The following MTA3 variants were observed in gnomAD, a reference collection of about 807,000 sequenced individuals.
The protein encoded by MTA3 is metastasis-associated protein MTA3.
In MTA3, 34 loss-of-function variants were observed where a neutral mutation model predicts 83.5. The ratio of observed to expected loss-of-function variants is 0.41; its 90% confidence interval spans 0.31 to 0.54. The LOEUF (loss-of-function observed/expected upper bound fraction) is 0.54, where lower values mean the gene tolerates loss of function less well. Among genes scored for constraint, MTA3 ranks in the 20% least tolerant of loss-of-function variants. The probability of loss-of-function intolerance (pLI) is 0.33; values close to 1 mark genes in which losing one functional copy is unlikely to be tolerated. For missense variants in MTA3, 761 were observed against 726.4 expected, an observed-to-expected ratio of 1.05 and a Z score of -0.55; for synonymous variants, 303 against 252.7, an observed-to-expected ratio of 1.20 and a Z score of -1.89.
intron 3 of MTA3, among the ~76,000 whole-genome samples, chr2:42,599,385 G>C (rs1030855220): frequency 1.3e-5 from 2 of 152,040 alleles, no homozygotes; most frequent in Non-Finnish European, 2.9e-5. Flanking sequence ...ACAAGGTCAG[G>C]AGATCGAGAC....
intron 8 of MTA3, among the ~76,000 whole-genome samples, chr2:42,677,868 C>G (rs769967834): frequency 3.7e-4 from 57 of 152,186 alleles, no homozygotes; most frequent in Middle Eastern, 3.2e-3. Context: ...TGCGCTCCCT[C>G]CCTGTCTCTC....
intron 4 of MTA3, among the ~76,000 whole-genome samples, chr2:42,622,964 A>G (rs867686471): frequency 1.3e-5 from 2 of 152,228 alleles, no homozygotes; most frequent in African/African-American, 2.4e-5. Flanking sequence ...AAAATAAACC[A>G]ATGAAACAAT....
intron 4 of MTA3, among the ~76,000 whole-genome samples, chr2:42,636,558 A>G (rs1558528242): frequency 6.6e-6 from 1 of 151,812 alleles, no homozygotes; most frequent in Non-Finnish European, 1.5e-5. Context: ...AAACAAAACA[A>G]AACAAAAGAA....
At chr2:42,537,563 C>G (rs1451822327) in intron 2 of MTA3, among the ~76,000 whole-genome samples, 1 of 149,246 alleles carries the variant, frequency 6.7e-6, no homozygotes, top group African/African-American at 2.5e-5. Context: ...GAAACTCCAT[C>G]TCAAAAAAAT....
At chr2:42,631,947 C>T (rs1686718498) in intron 4 of MTA3, among the ~76,000 whole-genome samples, 1 of 152,158 alleles carries the variant, frequency 6.6e-6, no homozygotes, top group Non-Finnish European at 1.5e-5. Flanking sequence ...ACCTTGGCCT[C>T]CCAAAGTGCT....
At chr2:42,753,315 C>T in intron 16 of MTA3, 59 bp from the exon 17 acceptor site, 2 of 1,549,402 alleles carry the variant, frequency 1.3e-6, no homozygotes, top group Non-Finnish European at 1.7e-6. Flanking sequence ...TCCTCCCTTT[C>T]ATCTTGCCTC....
At chr2:42,545,412 C>T (rs959592588) in intron 2 of MTA3, among the ~76,000 whole-genome samples, 4 of 151,868 alleles carry the variant, frequency 2.6e-5, no homozygotes, top group African/African-American at 9.7e-5. Context: ...AAAAAGGAAC[C>T]TAAGAAAACA....
At chr2:42,607,321 G>A (rs1683598650) in intron 3 of MTA3, among the ~76,000 whole-genome samples, 2 of 152,160 alleles carry the variant, frequency 1.3e-5, no homozygotes, top group African/African-American at 2.4e-5. Flanking sequence ...GGAGTCTCCC[G>A]CTGGAGATTG....
chr2:42,502,703 A>G (rs1674448644), intron 2 of MTA3, among the ~76,000 whole-genome samples: 1 of 151,282 alleles, frequency 6.6e-6, no homozygotes, highest in Non-Finnish European at 1.5e-5. Context: ...AGGCTGAGGC[A>G]GGAGAATCAC....
intron 2 of MTA3, among the ~76,000 whole-genome samples, chr2:42,505,485 A>G (rs1295433646): frequency 1.3e-5 from 2 of 152,120 alleles, no homozygotes; most frequent in Non-Finnish European, 2.9e-5. Flanking sequence ...CCCACAGACT[A>G]TGCAGGCTGT....
In MTA3 at chr2:42,594,728, A is replaced by ATATATATATATATTTTTT; in HGVS notation, c.191-14729_191-14728insATATATATATATTTTTTT. Among the ~76,000 whole-genome samples, 30 of 24,030 alleles carry ATATATATATATATTTTTT rather than the reference A, an allele frequency of 1.2e-3. 1 individual carries two copies. The highest frequency in any genetic ancestry group is 3.8e-3 in the African/African-American group (17 of 4,468). The allele number at this position is 24,030 out of a possible 152,430, so 15.8% of individuals were successfully genotyped here. Reference sequence around the variant, plus strand: ...TACATATATATATATATATATATATATTTTTTTTTTTTTTTTGAGACAGAG... The same window carrying ATATATATATATATTTTTT: ...TACATATATATATATATATATATATATATATATATATATTTTTTTTTTTTTTTTTTTTTTGAGACAGAG... On this transcript the variant is annotated intron_variant, in intron 3 of 16. Transcript: ENST00000405094.
At chr2:42,738,309 G>A (rs1003660006) in intron 16 of MTA3, among the ~76,000 whole-genome samples, 7 of 151,990 alleles carry the variant, frequency 4.6e-5, no homozygotes, top group African/African-American at 1.7e-4. Flanking sequence ...AGAAGAACGT[G>A]GATTGTGAAG....
chr2:42,591,910 A>G lies in MTA3; in HGVS notation c.190+12710A>G, dbSNP rs556819287. Among the ~76,000 whole-genome samples, 56 of 152,178 alleles carry G rather than the reference A, an allele frequency of 3.7e-4. 2 individuals carry two copies. The South Asian group carries it at 7.3e-3, about 20-fold the overall frequency. ...GGGATCTGCCCACCTTGACCTCCCA[A>G]AGTGTTGGGATTACAGGCGTGAGCC... On this transcript the variant is annotated intron_variant, in intron 3 of 16. Coordinates refer to ENST00000405094, the MANE Select transcript of MTA3 (RefSeq NM_001330442.2).
intron 14 of MTA3, among the ~76,000 whole-genome samples, chr2:42,710,549 CAAAAAAAAAAAAA>C (rs765315082): frequency 2.8e-4 from 17 of 61,068 alleles, no homozygotes; most frequent in East Asian, 5.6e-4. Flanking sequence ...AACTTCATCT[CAAAAAAAAAAAAA>C]AAAAAAAAAA....
At chr2:42,520,528 C>A (rs1044162822) in intron 2 of MTA3, among the ~76,000 whole-genome samples, 3 of 152,026 alleles carry the variant, frequency 2.0e-5, no homozygotes, top group African/African-American at 7.2e-5. Context: ...TCATTTATAC[C>A]TTTTCCCATC....
At chr2:42,728,476 G>A (rs1457292462) in intron 16 of MTA3, among the ~76,000 whole-genome samples, 1 of 152,124 alleles carries the variant, frequency 6.6e-6, no homozygotes, top group Non-Finnish European at 1.5e-5. Flanking sequence ...TGGATCATAT[G>A]GTAGTTCTAT....
chr2:42,560,869 T>C (rs1196598153), intron 2 of MTA3, among the ~76,000 whole-genome samples: 1 of 152,204 alleles, frequency 6.6e-6, no homozygotes, highest in Non-Finnish European at 1.5e-5. Context: ...ATCTAGCCAC[T>C]GTACTTCAGC....
chr2:42,533,796 C>T (rs1164031921), intron 2 of MTA3, among the ~76,000 whole-genome samples: 1 of 142,264 alleles, frequency 7.0e-6, no homozygotes, highest in African/African-American at 2.6e-5. Flanking sequence ...CGTGCCACTG[C>T]ACTCCAGCCT....
chr2:42,739,694 A>G (rs922351723), intron 16 of MTA3, among the ~76,000 whole-genome samples: 17 of 152,200 alleles, frequency 1.1e-4, no homozygotes, highest in Non-Finnish European at 2.4e-4. Flanking sequence ...CCCACATTAG[A>G]ACTTCTTTCA....
Sources: allele counts gnomAD v4.1 joint callset (sites outside exome capture counted in the v4.1 genomes callset), GRCh38; gene constraint gnomAD v4.1.1; transcripts MANE v1.5; gene names NCBI Gene and HGNC (gene_info 2026-07-23, HGNC 2026-07-21).